Variants in VPS25 observed in about 807,000 individuals in gnomAD.
VPS25 encodes the protein vacuolar protein sorting 25 homolog.
In VPS25, 21 loss-of-function variants were observed where a neutral mutation model predicts 30.3. The observed-to-expected ratio is 0.69, with a 90% CI of 0.49 to 1.00. VPS25 has a LOEUF of 1.00. VPS25 is among the 50% of genes least tolerant of loss of function. The pLI, the probability that VPS25 is intolerant of heterozygous loss-of-function variation, is 0.00. For missense variants in VPS25, 156 were observed against 217.2 expected (o/e 0.72, Z 1.77); for synonymous variants, 101 against 88.1 (o/e 1.15, Z -0.82).
Position 42,773,912 on chromosome 17 carries a change from AC to A in VPS25, c.199+35del, listed in dbSNP as rs768409593. 5.0e-6 allele frequency: 8 copies of A among 1,595,752 alleles called. No individual in the cohort carries two copies. The African/African-American group carries it at 1.1e-4, about 21-fold the overall frequency. On this transcript the variant is annotated intron_variant, in intron 2 of 5. Coordinates refer to ENST00000253794, the MANE Select transcript of VPS25 (RefSeq NM_032353.4). ...CCTCAGGCTCTTCCACAGCCCATAC[AC>A]ATGCACTTCTGCGCTTTCACACATG...
intron 5 of VPS25, 106 bp downstream of exon 5, chr17:42,776,426 A>C (rs1024918545): frequency 1.6e-5 from 17 of 1,056,874 alleles, no homozygotes; most frequent in Admixed American, 9.2e-5. Flanking sequence ...GCAATGTTGC[A>C]ATCTCGGCTC....
At chr17:42,774,375 T>TC (rs1471156147) in intron 2 of VPS25, 59 of 230,336 alleles carry the variant, frequency 2.6e-4, no homozygotes, top group Admixed American at 1.4e-3. Context: ...TTTCTTTCTT[T>TC]TTTTTTTTTT....
intron 5 of VPS25, among the ~76,000 whole-genome samples, chr17:42,778,655 G>C (rs2054449310): frequency 6.6e-6 from 1 of 152,214 alleles, no homozygotes; most frequent in Non-Finnish European, 1.5e-5. Flanking sequence ...GCCCCTTTGT[G>C]GCCCTGAAGC....
intron 2 of VPS25, chr17:42,774,282 C>T (rs933917022): frequency 2.2e-5 from 6 of 277,712 alleles, no homozygotes; most frequent in Admixed American, 2.0e-4. Context: ...TGATTCATCC[C>T]TAAAATATCT....
At chr17:42,775,674 A>G (rs1288083957) in intron 4 of VPS25, among the ~76,000 whole-genome samples, 1 of 152,170 alleles carries the variant, frequency 6.6e-6, no homozygotes, top group Non-Finnish European at 1.5e-5. Context: ...CTTTGCCTGT[A>G]GGAGGCCGGG....
intron 1 of VPS25, 49 bp from the exon 2 acceptor site, chr17:42,773,684 T>C: frequency 6.2e-7 from 1 of 1,606,586 alleles, no homozygotes; most frequent in Non-Finnish European, 8.5e-7. Context: ...CCCGGGCAAG[T>C]GCTGCCTCCC....
Position 42,775,450 on chromosome 17 carries a change from G to C in VPS25, c.323G>C (p.Gly108Ala), listed in dbSNP as rs2054430956. The change falls in exon 4 of 6, where the codon GGG (glycine) becomes GCG (alanine). Residue 108 changes from glycine (G) to alanine (A), a missense_variant. Gly to Ala is a moderately conservative substitution (Grantham distance 60). Transcript: ENST00000253794. ...ATGTGGCGGAGGCCAGAAGAATGGG[G>C]GAAACTCATCTATCAGTGGGTGAGA... ...LIMWRRPEEW[G>A]KLIYQWVSRS... is the part of the protein sequence containing the mutation. 1 of 1,613,606 alleles carries C rather than the reference G, an allele frequency of 6.2e-7. No individual in the cohort carries two copies. Among genetic ancestry groups the C allele is most frequent in the South Asian group, 1.1e-5 (1 of 91,046 alleles).
intron 5 of VPS25, among the ~76,000 whole-genome samples, chr17:42,777,396 T>A (rs1357060291): frequency 2.0e-5 from 3 of 152,288 alleles, no homozygotes; most frequent in East Asian, 1.9e-4. Flanking sequence ...ATGCTTGTAA[T>A]CTGAGCTACT....
At chr17:42,776,129 T>G in intron 4 of VPS25, 116 bp from the exon 5 acceptor site, 18 of 859,012 alleles carry the variant, frequency 2.1e-5, no homozygotes, top group Non-Finnish European at 3.3e-5. Flanking sequence ...GAGGCGACAG[T>G]GAGTCCTGGT....
At chr17:42,774,824 T>C in intron 3 of VPS25, 125 bp downstream of exon 3, 1 of 769,686 alleles carries the variant, frequency 1.3e-6, no homozygotes, top group Non-Finnish European at 2.1e-6. Context: ...CAGAGTCTTC[T>C]GTAAAGTAGG....
intron 2 of VPS25, chr17:42,774,413 G>C (rs1597889383): frequency 3.4e-6 from 1 of 291,154 alleles, no homozygotes; most frequent in East Asian, 5.0e-5. Flanking sequence ...TTCCTCTCTT[G>C]CTCAGGCTGG....
At chr17:42,775,073 C>G (rs2054428848) in intron 3 of VPS25, 1 of 372,716 alleles carries the variant, frequency 2.7e-6, no homozygotes, top group Admixed American at 4.3e-5. Flanking sequence ...GAGATAAGGT[C>G]TCACTCTGTC....
chr17:42,775,309 C>A, intron 3 of VPS25, 72 bp from the exon 4 acceptor site: 1 of 1,237,908 alleles, frequency 8.1e-7, no homozygotes, highest in Non-Finnish European at 1.2e-6. Context: ...TCAAGCAGTC[C>A]TCCCGCCTTG....
At chr17:42,774,210 C>T in intron 2 of VPS25, 1 of 274,734 alleles carries the variant, frequency 3.6e-6, no homozygotes, top group Non-Finnish European at 6.8e-6. Context: ...TGGGTAACTA[C>T]CTTTAATTAT....
At chr17:42,776,761 A>G (rs1211384437) in intron 5 of VPS25, among the ~76,000 whole-genome samples, 5 of 151,754 alleles carry the variant, frequency 3.3e-5, no homozygotes, top group African/African-American at 4.8e-5. Context: ...CCTATGTTCA[A>G]GCGATTCTAA....
At chr17:42,774,042 C>A in intron 2 of VPS25, 164 bp downstream of exon 2, 3 of 787,710 alleles carry the variant, frequency 3.8e-6, no homozygotes, top group Non-Finnish European at 5.9e-6. Context: ...TTTCCCCTGG[C>A]AAATGCAGTA....
At chr17:42,773,577 C>T in intron 1 of VPS25, 49 bp downstream of exon 1, 3 of 1,613,822 alleles carry the variant, frequency 1.9e-6, no homozygotes, top group African/African-American at 1.3e-5. Flanking sequence ...TCCCCTCCCC[C>T]GGACCCTGGG....
Position 42,779,073 on chromosome 17 carries a change from G to A in VPS25, c.*4G>A, listed in dbSNP as rs1405950132. 3.5e-5 allele frequency: 56 copies of A among 1,612,902 alleles called. No individual in the cohort carries two copies. The highest frequency in any genetic ancestry group is 4.6e-5 in the Non-Finnish European group (54 of 1,179,342). ...CCGAGGCGTCAAGTTCTTCTAGCAG[G>A]GACCTGTCTCCCTTTACTTCTTACC... On this transcript the variant is annotated 3_prime_UTR_variant, in exon 6 of 6. Transcript: ENST00000253794.
chr17:42,774,636 C>G lies in VPS25; in HGVS notation c.200-10C>G. 7 of 1,612,142 alleles carry G rather than the reference C, an allele frequency of 4.3e-6. No homozygotes were observed. The highest frequency in any genetic ancestry group is 5.1e-6 in the Non-Finnish European group (6 of 1,178,560). ...CTCATGTGTATGCCGTTCCCTTAAC[C>G]TTAAACCAGGAAAGCTTCCTGTGGA... is the stretch of plus-strand genomic sequence containing the variant. On this transcript the variant is annotated splice_polypyrimidine_tract_variant and intron_variant, in intron 2 of 5. Coordinates refer to ENST00000253794, the MANE Select transcript of VPS25 (RefSeq NM_032353.4).
Sources: allele counts gnomAD v4.1 joint callset (sites outside exome capture counted in the v4.1 genomes callset), GRCh38; gene constraint gnomAD v4.1.1; transcripts MANE v1.5; gene names NCBI Gene and HGNC (gene_info 2026-07-23, HGNC 2026-07-21).